SLC5A10: variants seen among roughly 807,000 people sequenced by gnomAD.
SLC5A10 encodes sodium/mannose cotransporter SLC5A10.
Under a neutral mutation model 68.9 loss-of-function variants are expected in SLC5A10, and 55 were observed. The observed-to-expected ratio is 0.80, with a 90% CI of 0.64 to 1.00. SLC5A10 has a LOEUF of 1.00. SLC5A10 is among the 50% of genes least tolerant of loss of function. The probability of loss-of-function intolerance (pLI) is 0.00; values close to 1 mark genes in which losing one functional copy is unlikely to be tolerated. For synonymous variants in SLC5A10, 344 were observed against 344.8 expected (o/e 1.00, Z 0.02); for missense variants, 732 against 819.3 (o/e 0.89, Z 1.30).
intron 9 of SLC5A10, among the ~76,000 whole-genome samples, chr17:18,991,221 C>T (rs2043415714): frequency 6.6e-6 from 1 of 152,152 alleles, no homozygotes; most frequent in South Asian, 2.1e-4. Context: ...CAGGACGGGG[C>T]CTGGTTTAAG....
intron 9 of SLC5A10, among the ~76,000 whole-genome samples, chr17:18,994,441 T>G (rs1344331277): frequency 6.6e-6 from 1 of 152,060 alleles, no homozygotes; most frequent in African/African-American, 2.4e-5. Flanking sequence ...GGGAGAGAGC[T>G]GCACAGAGTG....
intron 9 of SLC5A10, chr17:18,977,754 C>A: frequency 6.2e-7 from 1 of 1,604,480 alleles, no homozygotes; most frequent in Non-Finnish European, 8.5e-7. Flanking sequence ...GGCCCGTTGG[C>A]CACTTGCTCT....
At chr17:18,958,543 A>G (rs1182679478) in intron 1 of SLC5A10, 139 bp from the exon 2 acceptor site, 3 of 636,592 alleles carry the variant, frequency 4.7e-6, no homozygotes, top group Admixed American at 2.7e-5. Context: ...TCTTTTGGAC[A>G]TATACCTAGG....
At chr17:19,016,660 C>T (rs1275800524) in intron 11 of SLC5A10, among the ~76,000 whole-genome samples, 1 of 152,186 alleles carries the variant, frequency 6.6e-6, no homozygotes, top group Admixed American at 6.5e-5. Context: ...CACGGGCTCA[C>T]AGGATTCTCC....
Position 18,963,378 on chromosome 17 carries a change from G to A in SLC5A10, c.453+2726G>A, listed in dbSNP as rs533306882. The stretch of plus-strand genomic sequence containing the variant: ...CCTGCTGCCCTGAAGCAGCCAGGAC[G>A]TGGCCTTTCAAACTCCACTTTGTGA... On this transcript the variant is annotated intron_variant, in intron 5 of 14. Transcript: ENST00000395645. Among the ~76,000 whole-genome samples the A allele has an allele frequency of 4.0e-3, 616 of 152,318 alleles. 4 individuals are homozygous for A. The highest frequency in any genetic ancestry group is 6.8e-3 in the Middle Eastern group (2 of 294).
Position 18,997,226 on chromosome 17 carries a change from C to A in SLC5A10, c.983-16184C>A, listed in dbSNP as rs560661519. ...TCAGCCTAGCCCAGTGGCATGAAGG[C>A]ACTACCCTGAGTCTCCTACCTCCCC... On this transcript the variant is annotated intron_variant, in intron 9 of 14. Transcript: ENST00000395645. Among the ~76,000 whole-genome samples the A allele has an allele frequency of 1.4e-3, 214 of 152,380 alleles. 7 individuals carry two copies. In the South Asian group the frequency reaches 0.042, roughly 30 times the overall value.
intron 1 of SLC5A10, among the ~76,000 whole-genome samples, chr17:18,954,687 C>A (rs955214751): frequency 8.5e-5 from 13 of 152,104 alleles, no homozygotes; most frequent in African/African-American, 3.1e-4. Context: ...AGAGATGTTC[C>A]TGGAGGAGGG....
intron 9 of SLC5A10, chr17:18,988,458 A>G (rs1216630981): frequency 6.2e-7 from 1 of 1,601,004 alleles, no homozygotes; most frequent in South Asian, 1.1e-5. Flanking sequence ...ACAGTGCAGC[A>G]GTGGGGACAG....
At position 19,020,072 on chromosome 17, in the gene SLC5A10, C is replaced by T. The variant is rs2044232448; in HGVS notation, c.1627-83C>T. The T allele has an allele frequency of 1.1e-5, 16 of 1,470,334 alleles. No individual in the cohort carries two copies. The South Asian group carries it at 1.7e-4, about 16-fold the overall frequency. The allele number at this position is 1,470,334 out of a possible 1,614,324, so 91.1% of individuals were successfully genotyped here. A position where few individuals can be genotyped will look rare whatever the true frequency, so the allele number is the denominator to read the frequency against. Reference sequence around the variant, plus strand: ...TTTTTGAACTCAGCTGCCATCTTGCCATCCCCAACCTTTGATCCTGTCTGG... The same window carrying T: ...TTTTTGAACTCAGCTGCCATCTTGCTATCCCCAACCTTTGATCCTGTCTGG... On this transcript the variant is annotated intron_variant, in intron 13 of 14. Transcript: ENST00000395645.
intron 5 of SLC5A10, among the ~76,000 whole-genome samples, chr17:18,964,852 G>T (rs1250736683): frequency 1.3e-5 from 2 of 152,176 alleles, no homozygotes; most frequent in Non-Finnish European, 2.9e-5. Flanking sequence ...TGGTAGAAAT[G>T]CAGAACCTGA....
At chr17:18,969,292 C>T in intron 6 of SLC5A10, 50 bp from the exon 7 acceptor site, 11 of 1,598,484 alleles carry the variant, frequency 6.9e-6, no homozygotes, top group Non-Finnish European at 9.4e-6. Context: ...CCCCGTGTCC[C>T]TCCTCCCTGG....
intron 9 of SLC5A10, among the ~76,000 whole-genome samples, chr17:18,993,732 T>A (rs1489426725): frequency 1.3e-5 from 2 of 152,256 alleles, no homozygotes; most frequent in East Asian, 3.9e-4. Flanking sequence ...GGTTCGTTAT[T>A]CTCCAGGTCT....
intron 9 of SLC5A10, chr17:18,978,164 A>T: frequency 6.5e-7 from 1 of 1,532,204 alleles, no homozygotes; most frequent in Non-Finnish European, 8.7e-7. Context: ...CACGGGGGGC[A>T]ATGGCTCAGG....
At chr17:18,992,528 T>C (rs900204590) in intron 9 of SLC5A10, among the ~76,000 whole-genome samples, 6 of 152,038 alleles carry the variant, frequency 3.9e-5, no homozygotes, top group African/African-American at 1.4e-4. Context: ...GCGTTGGGGG[T>C]GGGACAGGGC....
Position 18,959,118 on chromosome 17 carries a change from C to T in SLC5A10, c.184-17C>T, listed in dbSNP as rs748445402. The T allele has an allele frequency of 3.1e-6, 5 of 1,603,930 alleles. No homozygotes were observed. The highest frequency in any genetic ancestry group is 4.3e-6 in the Non-Finnish European group (5 of 1,172,346). On this transcript the variant is annotated splice_polypyrimidine_tract_variant and intron_variant, in intron 2 of 14. Transcript: ENST00000395645. The stretch of plus-strand genomic sequence containing the variant: ...CAGGGAGCCTGCTGCTGATGCGTTT[C>T]CCTTTCTCTCCTCCAGATTGGAGCC...
rs2042987841 is a variant in SLC5A10 at position 18,976,685 on chromosome 17, G to A, written c.847-169G>A. On this transcript the variant is annotated intron_variant, in intron 8 of 14. Transcript: ENST00000395645. ...TTGGCCTGCTGAAGTGAGCTCTCCT[G>A]GTGGGACCCTGACAGTATTGGGGCT... The A allele has an allele frequency of 1.8e-5, 15 of 846,322 alleles. No homozygotes were observed. In the South Asian group the frequency reaches 2.6e-4, roughly 15 times the overall value. The allele number at this position is 846,322 out of a possible 1,614,324, so 52.4% of individuals were successfully genotyped here.
intron 9 of SLC5A10, among the ~76,000 whole-genome samples, chr17:18,990,869 G>C (rs955571705): frequency 6.6e-6 from 1 of 152,210 alleles, no homozygotes; most frequent in Non-Finnish European, 1.5e-5. Context: ...GGGCCCTTGA[G>C]TCCTGTCATG....
Position 19,003,772 on chromosome 17 carries a change from G to A in SLC5A10, c.983-9638G>A, listed in dbSNP as rs753257117. 1.9e-6 allele frequency: 3 copies of A among 1,609,880 alleles called. No homozygotes were observed. The highest frequency in any genetic ancestry group is 1.1e-5 in the South Asian group (1 of 90,954). ...CGCCGTCGCCGACCCCATTGTCCTC[G>A]GGCCCCTGAGAGGGGCCCGTGCCCC... On this transcript the variant is annotated intron_variant, in intron 9 of 14. Transcript: ENST00000395645. This position sits in a 1 kb window ranked among gnomAD's most constrained non-coding sequence, Gnocchi z 4.5.
chr17:18,986,902 A>G (rs1044426901), intron 9 of SLC5A10, among the ~76,000 whole-genome samples: 10 of 152,198 alleles, frequency 6.6e-5, no homozygotes, highest in Non-Finnish European at 1.2e-4. Flanking sequence ...GGCATGAGCT[A>G]TCTGCCACTG....
Sources: allele counts gnomAD v4.1 joint callset (sites outside exome capture counted in the v4.1 genomes callset), GRCh38; gene constraint gnomAD v4.1.1; non-coding constraint Gnocchi (gnomAD v3.1); transcripts MANE v1.5; gene names NCBI Gene and HGNC (gene_info 2026-07-23, HGNC 2026-07-21).